The following CNGB1 variants were observed in gnomAD, a reference collection of about 807,000 sequenced individuals.
CNGB1 encodes the protein cyclic nucleotide gated channel subunit beta 1, also known as cyclic nucleotide-gated channel beta-1.
In CNGB1, 126 loss-of-function variants were observed where a neutral mutation model predicts 151.7. The observed-to-expected ratio is 0.83, with a 90% confidence interval of 0.72 to 0.96. The LOEUF (loss-of-function observed/expected upper bound fraction) is 0.96, where lower values mean the gene tolerates loss of function less well. CNGB1 is among the 40% of genes least tolerant of loss of function. CNGB1 has a pLI of 0.00. For missense variants in CNGB1, 1,698 were observed against 1,627.0 expected (o/e 1.04, Z -0.75); for synonymous variants, 623 against 635.1 (o/e 0.98, Z 0.29).
intron 12 of CNGB1, among the ~76,000 whole-genome samples, chr16:57,956,580 C>A (rs1962091599): frequency 6.6e-6 from 1 of 152,150 alleles, no homozygotes; most frequent in Admixed American, 6.5e-5. Context: ...GAGCTCAGAG[C>A]CCTGGGACAG....
At chr16:57,947,121 G>A (rs1395663462) in intron 14 of CNGB1, among the ~76,000 whole-genome samples, 1 of 152,238 alleles carries the variant, frequency 6.6e-6, no homozygotes, top group Admixed American at 6.5e-5. Context: ...CAGCATGTAT[G>A]TCTGTGTTGG....
intron 25 of CNGB1, among the ~76,000 whole-genome samples, chr16:57,909,632 G>A (rs1390983773): frequency 6.6e-6 from 1 of 152,118 alleles, no homozygotes; most frequent in Non-Finnish European, 1.5e-5. Flanking sequence ...CATGTGATCT[G>A]CCCACCTTGG....
chr16:57,933,892 T>C (rs1428857157), intron 16 of CNGB1, among the ~76,000 whole-genome samples: 2 of 151,978 alleles, frequency 1.3e-5, no homozygotes, highest in African/African-American at 2.4e-5. Context: ...CTGGCTAATT[T>C]TTGTATTTTT....
In CNGB1 at chr16:57,882,620, A is replaced by T. The variant is rs551005635; in HGVS notation, c.*1544T>A. 1 of 152,060 alleles carries T rather than the reference A, an allele frequency of 6.6e-6. No individual in the cohort carries two copies. Among genetic ancestry groups the T allele is most frequent in the Non-Finnish European group, 1.5e-5 (1 of 67,986 alleles). The allele number at this position is 152,060 out of a possible 1,614,324, so 9.4% of individuals were successfully genotyped here. A position where few individuals can be genotyped will look rare whatever the true frequency, so the allele number is the denominator to read the frequency against. The stretch of plus-strand genomic sequence containing the variant: ...ATTTTATATAAAATGGGCAGGACCT[A>T]TTGGAATTCCAGGTCCTTTATGTTC... On this transcript the variant is annotated 3_prime_UTR_variant, in exon 33 of 33. Coordinates refer to ENST00000251102, the MANE Select transcript of CNGB1 (RefSeq NM_001297.5).
intron 19 of CNGB1, 126 bp downstream of exon 19, chr16:57,920,261 G>T: frequency 9.7e-7 from 1 of 1,035,004 alleles, no homozygotes; most frequent in African/African-American, 1.6e-5. Context: ...CAGAGAGTGG[G>T]GATCTGGGCT....
chr16:57,927,232 A>T (rs1353390272), intron 17 of CNGB1, among the ~76,000 whole-genome samples: 1 of 152,124 alleles, frequency 6.6e-6, no homozygotes, highest in African/African-American at 2.4e-5. Context: ...CTGCCTTAAG[A>T]CCCACGTCTT....
chr16:57,911,823 GACAGGAATTCAAAT>G lies in CNGB1; in HGVS notation c.2408_2421del (p.His803ProfsTer44), dbSNP rs1344584956. 1.2e-6 allele frequency: 2 copies of G among 1,614,092 alleles called. No homozygotes were observed. The highest frequency in any genetic ancestry group is 2.2e-5 in the South Asian group (2 of 91,080). On this transcript the variant is annotated frameshift_variant, in exon 25 of 33. Coordinates refer to ENST00000251102, the MANE Select transcript of CNGB1 (RefSeq NM_001297.5). LOFTEE classifies it high-confidence loss of function. ...TGATAGGCCGATGCCCAGTAATAAA[GACAGGAATTCAAAT>G]GCAGGCTGTAGAGAAGGTAGGCTGT...
intron 16 of CNGB1, among the ~76,000 whole-genome samples, chr16:57,936,384 C>A (rs1165790764): frequency 6.6e-6 from 1 of 152,190 alleles, no homozygotes; most frequent in African/African-American, 2.4e-5. Context: ...GACTCCCTGT[C>A]CAAGCCTCTC....
intron 12 of CNGB1, among the ~76,000 whole-genome samples, 167 bp downstream of exon 12, chr16:57,957,174 G>T (rs373083215): frequency 6.6e-6 from 1 of 152,092 alleles, no homozygotes; most frequent in East Asian, 1.9e-4. Context: ...GGTAGGGCCT[G>T]CAGAGCATGG....
At chr16:57,938,859 T>A (rs1181120140) in intron 16 of CNGB1, among the ~76,000 whole-genome samples, 4 of 152,116 alleles carry the variant, frequency 2.6e-5, no homozygotes, top group African/African-American at 9.7e-5. Context: ...ATTGCTTGAG[T>A]TCTCAGGATT....
At chr16:57,949,472 A>G (rs550883033) in intron 13 of CNGB1, 33 bp from the exon 14 acceptor site, 1 of 1,612,238 alleles carries the variant, frequency 6.2e-7, no homozygotes, top group Non-Finnish European at 8.5e-7. Context: ...AGGTGAGCCC[A>G]CCCGAAGCTG....
intron 16 of CNGB1, among the ~76,000 whole-genome samples, chr16:57,934,003 A>G (rs1381433318): frequency 3.3e-5 from 5 of 151,838 alleles, no homozygotes; most frequent in African/African-American, 1.2e-4. Flanking sequence ...GATTACAGGC[A>G]TGAGCCACCG....
intron 14 of CNGB1, among the ~76,000 whole-genome samples, chr16:57,948,417 A>G (rs1400402177): frequency 6.6e-6 from 1 of 150,836 alleles, no homozygotes; most frequent in African/African-American, 2.4e-5. Flanking sequence ...GGCCTCCCAG[A>G]GTGCTGGGAT....
At position 57,964,512 on chromosome 16, in the gene CNGB1, C is replaced by T. The variant is rs1962341698; in HGVS notation, c.192G>A (p.Val64=). 6.2e-7 allele frequency: 1 copy of T among 1,614,196 alleles called. No homozygotes were observed. Among genetic ancestry groups the T allele is most frequent in the African/African-American group, 1.3e-5 (1 of 75,070 alleles). The part of the protein sequence containing the change: ...PPEESFKEEE[V]AVADPSPQET... ...CCTGAGGGCTTGGGTCTGCCACAGC[C>T]ACTTCCTCCTCCTTGAATGACTCTT... Residue 64 remains valine, a synonymous_variant, in exon 3 of 33, where the codon GTG becomes GTA. Transcript: ENST00000251102.
chr16:57,919,392 T>G, intron 19 of CNGB1, 138 bp from the exon 20 acceptor site: 3 of 1,520,768 alleles, frequency 2.0e-6, no homozygotes, highest in Non-Finnish European at 2.7e-6. Flanking sequence ...CTGCAAGCTC[T>G]GTGTGCAGAA....
chr16:57,949,095 AAGCCCC>A (rs1436756464), intron 14 of CNGB1, among the ~76,000 whole-genome samples: 10 of 150,630 alleles, frequency 6.6e-5, no homozygotes, highest in Admixed American at 2.0e-4. Flanking sequence ...CAACAGATAA[AAGCCCC>A]AGCCCTCTTG....
At chr16:57,964,302 A>G in intron 3 of CNGB1, 100 bp from the exon 4 acceptor site, 1 of 1,420,450 alleles carries the variant, frequency 7.0e-7, no homozygotes, top group Non-Finnish European at 9.9e-7. Context: ...AGAGACCCCC[A>G]GGGGTCAGAA....
In CNGB1 at chr16:57,958,466, G is replaced by T. The variant is rs1468672836; in HGVS notation, c.781C>A (p.His261Asn). The T allele has an allele frequency of 6.2e-7, 1 of 1,614,036 alleles. No individual in the cohort carries two copies. Among genetic ancestry groups the T allele is most frequent in the Non-Finnish European group, 8.5e-7 (1 of 1,180,008 alleles). Residue 261 changes from histidine to asparagine, a missense_variant, in exon 11 of 33, where the codon CAC becomes AAC. Coordinates refer to ENST00000251102, the MANE Select transcript of CNGB1 (RefSeq NM_001297.5). ...DPARLVAWVL[H>N]RLEMALPQPV... Reference sequence around the variant, plus strand: ...TGCGGCAAGGCCATCTCCAGCCTGTGCAGGACCCATGCCACCAGCCTGCAG... The same window carrying T: ...TGCGGCAAGGCCATCTCCAGCCTGTTCAGGACCCATGCCACCAGCCTGCAG...
intron 14 of CNGB1, among the ~76,000 whole-genome samples, chr16:57,948,316 CTT>C (rs58470336): frequency 0.75 from 102,125 of 136,088 alleles, 36,911 homozygotes; most frequent in African/African-American, 0.79. Flanking sequence ...TCTTCTTCTT[CTT>C]TTTTTTTTTT....
Sources: allele counts gnomAD v4.1 joint callset (sites outside exome capture counted in the v4.1 genomes callset), GRCh38; gene constraint gnomAD v4.1.1; transcripts MANE v1.5; gene names NCBI Gene and HGNC (gene_info 2026-07-23, HGNC 2026-07-21).